Variants in VTI1A observed in about 807,000 individuals in gnomAD.
The protein encoded by VTI1A is vesicle transport through interaction with t-SNAREs 1A, also known as vesicle transport through interaction with t-SNAREs homolog 1A.
VTI1A carries 22 observed loss-of-function variants against 34.9 expected under a neutral mutation model. The ratio of observed to expected loss-of-function variants is 0.63; its 90% CI spans 0.45 to 0.90. The LOEUF (loss-of-function observed/expected upper bound fraction) is 0.90, where lower values mean the gene tolerates loss of function less well. Ranked by LOEUF, VTI1A falls within the 40% of genes least tolerant of loss-of-function variation. The pLI, the probability that VTI1A is intolerant of heterozygous loss-of-function variation, is 0.00. For missense variants in VTI1A, 268 were observed against 275.6 expected (o/e 0.97, Z 0.20); for synonymous variants, 87 against 97.3 (o/e 0.89, Z 0.62).
rs369382577 is a variant in VTI1A at position 112,562,522 on chromosome 10, T to TTG, written c.427+24208_427+24209dup. Among the ~76,000 whole-genome samples, 522 of 150,962 alleles carry TTG rather than the reference T, an allele frequency of 3.5e-3. 1 individual carries two copies. The highest frequency in any genetic ancestry group is 0.01 in the Middle Eastern group (3 of 294). ...AAGGATTTAGAAAGTAATATTATGT[T>TTG]TGTGTGTGTGTGTGTGTATATACAC... On this transcript the variant is annotated intron_variant, in intron 5 of 7. Transcript: ENST00000393077.
chr10:112,656,507 A>T (rs1847233524), intron 5 of VTI1A, among the ~76,000 whole-genome samples: 2 of 140,860 alleles, frequency 1.4e-5, no homozygotes, highest in African/African-American at 5.2e-5. Context: ...ACAGGAGCAT[A>T]CCACACCCAG....
Position 112,586,676 on chromosome 10 carries a change from C to T in VTI1A, c.427+48346C>T, listed in dbSNP as rs532195373. 1.2e-4 allele frequency among the ~76,000 whole-genome samples: 18 copies of T among 152,210 alleles called. No individual in the cohort carries two copies. In the East Asian group the frequency reaches 2.3e-3, roughly 20 times the overall value. Reference sequence around the variant, plus strand: ...GTTCCTGCTGCCTCTCTGTGTACCCCGCTGCCTCCTCTAGCCGATCTCCTT... The same window carrying T: ...GTTCCTGCTGCCTCTCTGTGTACCCTGCTGCCTCCTCTAGCCGATCTCCTT... On this transcript the variant is annotated intron_variant, in intron 5 of 7. Coordinates refer to ENST00000393077, the MANE Select transcript of VTI1A (RefSeq NM_145206.4).
chr10:112,821,934 C>A (rs1188529042), downstream of VTI1A, among the ~76,000 whole-genome samples: 1 of 152,202 alleles, frequency 6.6e-6, no homozygotes, highest in Non-Finnish European at 1.5e-5. Context: ...GACACCCTCG[C>A]GGTGGTGGAT....
intron 7 of VTI1A, among the ~76,000 whole-genome samples, chr10:112,785,298 A>G (rs1229230480): frequency 6.6e-6 from 1 of 152,228 alleles, no homozygotes; most frequent in Non-Finnish European, 1.5e-5. Flanking sequence ...TGTCAGAGGA[A>G]TGACCAGAGG....
chr10:112,853,834 C>T, the VTI1A span, among the ~76,000 whole-genome samples: 1 of 152,256 alleles, frequency 6.6e-6, no homozygotes, highest in Non-Finnish European at 1.5e-5. Flanking sequence ...CACAGCAAAG[C>T]TGCTACACTC....
chr10:112,849,907 A>G, the VTI1A span, among the ~76,000 whole-genome samples: 2 of 152,236 alleles, frequency 1.3e-5, no homozygotes, highest in Non-Finnish European at 2.9e-5. Context: ...GGTGTCCCTT[A>G]GTTCTTCCTA....
intron 5 of VTI1A, among the ~76,000 whole-genome samples, chr10:112,619,957 C>T (rs1413095146): frequency 1.3e-5 from 2 of 152,044 alleles, no homozygotes; most frequent in Non-Finnish European, 2.9e-5. Flanking sequence ...AGGTCTCGAC[C>T]CCTGGGTTGT....
At chr10:112,703,037 C>T (rs958697780) in intron 7 of VTI1A, among the ~76,000 whole-genome samples, 5 of 151,896 alleles carry the variant, frequency 3.3e-5, no homozygotes, top group African/African-American at 9.7e-5. Context: ...ACTTTAATTC[C>T]AACAACAAAG....
chr10:112,593,903 A>ATT (rs1554914706), intron 5 of VTI1A, among the ~76,000 whole-genome samples: 8,995 of 78,042 alleles, frequency 0.12, 984 homozygotes, highest in African/African-American at 0.36. Flanking sequence ...CGCCCGGCTA[A>ATT]TTTTTTTTTT....
At chr10:112,634,755 T>G (rs1348387454) in intron 5 of VTI1A, among the ~76,000 whole-genome samples, 1 of 152,206 alleles carries the variant, frequency 6.6e-6, no homozygotes, top group Non-Finnish European at 1.5e-5. Flanking sequence ...CATTCTTTTC[T>G]TTATTGTAAA....
chr10:112,749,914 C>T (rs995134675), intron 7 of VTI1A, among the ~76,000 whole-genome samples: 6 of 152,140 alleles, frequency 3.9e-5, no homozygotes, highest in Non-Finnish European at 8.8e-5. Flanking sequence ...TTAAGTGAAC[C>T]ATGCACACAT....
chr10:112,475,937 G>A (rs1477952217), intron 3 of VTI1A, among the ~76,000 whole-genome samples: 1 of 152,172 alleles, frequency 6.6e-6, no homozygotes, highest in African/African-American at 2.4e-5. Flanking sequence ...TGTGTTGAAT[G>A]TTTTATTAAC....
chr10:112,492,603 T>A (rs1299491121), intron 3 of VTI1A, among the ~76,000 whole-genome samples: 1 of 152,054 alleles, frequency 6.6e-6, no homozygotes, highest in African/African-American at 2.4e-5. Flanking sequence ...CTGGCCAACA[T>A]GGTGAGACCC....
At chr10:112,770,146 C>G (rs1851763424) in intron 7 of VTI1A, among the ~76,000 whole-genome samples, 1 of 151,870 alleles carries the variant, frequency 6.6e-6, no homozygotes, top group South Asian at 2.1e-4. Flanking sequence ...GACCTCTGAT[C>G]TGATCCAACC....
intron 5 of VTI1A, among the ~76,000 whole-genome samples, chr10:112,604,378 A>T (rs979458388): frequency 1.3e-5 from 2 of 152,160 alleles, no homozygotes; most frequent in East Asian, 3.8e-4. Context: ...ATCAATTATG[A>T]TTATGTCCTT....
intron 5 of VTI1A, among the ~76,000 whole-genome samples, chr10:112,630,021 A>G (rs1846070246): frequency 6.6e-6 from 1 of 152,204 alleles, no homozygotes; most frequent in Non-Finnish European, 1.5e-5. Context: ...CTAGTATGTT[A>G]AAGAAACACA....
chr10:112,797,829 G>A (rs1287842644), intron 7 of VTI1A, among the ~76,000 whole-genome samples: 8 of 152,152 alleles, frequency 5.3e-5, no homozygotes, highest in African/African-American at 1.9e-4. Flanking sequence ...GAAGTAACGG[G>A]GAGGCTAGTA....
At chr10:112,849,304 A>C in the VTI1A span, among the ~76,000 whole-genome samples, 101,003 of 152,160 alleles carry the variant, frequency 0.66, 34,630 homozygotes, top group Middle Eastern at 0.79. Flanking sequence ...GATGTTTCTA[A>C]ATTGTCTTCA....
intron 5 of VTI1A, among the ~76,000 whole-genome samples, chr10:112,544,880 G>C (rs1851017600): frequency 6.6e-6 from 1 of 152,182 alleles, no homozygotes; most frequent in South Asian, 2.1e-4. Flanking sequence ...GGCATGATTA[G>C]GGCAGTCAAG....
Sources: allele counts gnomAD v4.1 joint callset (sites outside exome capture counted in the v4.1 genomes callset), GRCh38; gene constraint gnomAD v4.1.1; transcripts MANE v1.5; gene names NCBI Gene and HGNC (gene_info 2026-07-23, HGNC 2026-07-21).